NRG3: variants seen among roughly 807,000 people sequenced by gnomAD.
NRG3 encodes the protein neuregulin 3, also known as pro-neuregulin-3, membrane-bound isoform.
Under a neutral mutation model 66.9 loss-of-function variants are expected in NRG3, and 31 were observed. The ratio of observed to expected loss-of-function variants is 0.46; its 90% CI spans 0.35 to 0.63. The LOEUF (loss-of-function observed/expected upper bound fraction) is 0.63. Ranked by LOEUF, NRG3 falls within the 20% of genes least tolerant of loss-of-function variation. NRG3 has a pLI of 0.00. For synonymous variants in NRG3, 393 were observed against 359.4 expected, an observed-to-expected ratio of 1.09 and a Z score of -1.06; for missense variants, 910 against 878.9, an observed-to-expected ratio of 1.04 and a Z score of -0.45.
At chr10:82,069,074 G>A (rs2064655273) in intron 1 of NRG3, among the ~76,000 whole-genome samples, 1 of 152,160 alleles carries the variant, frequency 6.6e-6, no homozygotes. Context: ...TATAATCCTG[G>A]AATGATATTT....
intron 1 of NRG3, chr10:81,889,046 A>G (rs1842824503): frequency 6.6e-6 from 1 of 152,194 alleles, no homozygotes. Context: ...GTTTATCCAT[A>G]GTCGCATCAA....
Position 82,839,922 on chromosome 10 carries a change from C to T in NRG3, c.1028-25489C>T, listed in dbSNP as rs114142561. 2.3e-3 allele frequency among the ~76,000 whole-genome samples: 348 copies of T among 152,148 alleles called. 3 individuals are homozygous for T. Among genetic ancestry groups the T allele is most frequent in the African/African-American group, 8.0e-3 (331 of 41,532 alleles). ...AAATATCCCAAGAATGTACAGATAT[C>T]TCCAATTCCAATTCAGTGTTACAGT... On this transcript the variant is annotated intron_variant, in intron 3 of 8. Coordinates refer to ENST00000372141, the MANE Select transcript of NRG3 (RefSeq NM_001010848.4).
chr10:81,977,964 G>T (rs910197171), intron 1 of NRG3, among the ~76,000 whole-genome samples: 4 of 152,024 alleles, frequency 2.6e-5, no homozygotes, highest in African/African-American at 7.2e-5. Context: ...TTTGATACAT[G>T]TATTGTATCA....
intron 3 of NRG3, among the ~76,000 whole-genome samples, chr10:82,746,930 T>C (rs1334688146): frequency 6.6e-6 from 1 of 151,848 alleles, no homozygotes; most frequent in African/African-American, 2.4e-5. Flanking sequence ...AAAAATAAAA[T>C]AAAATAGCCA....
chr10:82,117,120 A>G (rs1043684896), intron 1 of NRG3, among the ~76,000 whole-genome samples: 6 of 152,038 alleles, frequency 3.9e-5, no homozygotes. Flanking sequence ...TTTATCTGTC[A>G]TAGGTCATAT....
At chr10:82,252,304 A>G (rs988656162) in intron 1 of NRG3, among the ~76,000 whole-genome samples, 2 of 152,206 alleles carry the variant, frequency 1.3e-5, no homozygotes, top group African/African-American at 4.8e-5. Context: ...AGTGCTGATG[A>G]TATAAATTTC....
chr10:82,039,722 G>C (rs755730904), intron 1 of NRG3, among the ~76,000 whole-genome samples: 6 of 152,042 alleles, frequency 3.9e-5, no homozygotes, highest in Non-Finnish European at 7.4e-5. Flanking sequence ...TATGGAGGGA[G>C]GTGTTCTTGA....
At chr10:82,427,010 C>A (rs1009659493) in intron 2 of NRG3, among the ~76,000 whole-genome samples, 3 of 152,042 alleles carry the variant, frequency 2.0e-5, no homozygotes, top group Non-Finnish European at 4.4e-5. Context: ...AGAAATATGA[C>A]TGATTTTTGT....
At chr10:82,052,309 T>C (rs11192314) in intron 1 of NRG3, among the ~76,000 whole-genome samples, 27,323 of 152,124 alleles carry the variant, frequency 0.18, 2,883 homozygotes, top group Middle Eastern at 0.29. Context: ...TGACTGCATA[T>C]TGAATTAGGC....
intron 2 of NRG3, among the ~76,000 whole-genome samples, chr10:82,624,935 T>TAA (rs917883570): frequency 2.7e-5 from 4 of 147,610 alleles, no homozygotes; most frequent in African/African-American, 9.8e-5. Flanking sequence ...TATATATATA[T>TAA]AAAATGTGCT....
At chr10:82,470,314 C>T (rs1215291586) in intron 2 of NRG3, among the ~76,000 whole-genome samples, 2 of 152,172 alleles carry the variant, frequency 1.3e-5, no homozygotes, top group African/African-American at 4.8e-5. Flanking sequence ...AAAGATCTGT[C>T]CTCACTACTC....
At chr10:82,102,313 C>G (rs1349610942) in intron 1 of NRG3, among the ~76,000 whole-genome samples, 2 of 149,728 alleles carry the variant, frequency 1.3e-5, no homozygotes, top group East Asian at 4.0e-4. Flanking sequence ...TATAGTTTAA[C>G]TTTCTCCTTT....
intron 1 of NRG3, among the ~76,000 whole-genome samples, chr10:82,200,568 A>G (rs1427372376): frequency 6.6e-6 from 1 of 152,172 alleles, no homozygotes; most frequent in African/African-American, 2.4e-5. Context: ...GATGTCTAAT[A>G]TTATTTGGCA....
At chr10:81,876,267 C>A (rs1337768562) in intron 1 of NRG3, 104 bp downstream of exon 1, 22 of 1,437,220 alleles carry the variant, frequency 1.5e-5, no homozygotes, top group Non-Finnish European at 2.0e-5. Flanking sequence ...GCCCCCTCCC[C>A]CATCCCAGGT....
At chr10:82,161,963 G>A (rs1479115400) in intron 1 of NRG3, among the ~76,000 whole-genome samples, 1 of 152,060 alleles carries the variant, frequency 6.6e-6, no homozygotes, top group Non-Finnish European at 1.5e-5. Context: ...TAACAAAGTG[G>A]CCCATCACTC....
intron 1 of NRG3, among the ~76,000 whole-genome samples, chr10:81,893,436 T>C (rs1589373576): frequency 1.3e-5 from 2 of 149,628 alleles, no homozygotes; most frequent in East Asian, 4.0e-4. Context: ...ATCCGCAGTA[T>C]GGAATGGACT....
intron 2 of NRG3, among the ~76,000 whole-genome samples, chr10:82,451,356 C>A (rs756083644): frequency 1.3e-5 from 2 of 152,008 alleles, no homozygotes; most frequent in Non-Finnish European, 2.9e-5. Flanking sequence ...AGATTTGATC[C>A]TAGAAGGCCT....
chr10:82,943,676 A>G (rs1209810335), intron 4 of NRG3, among the ~76,000 whole-genome samples: 1 of 152,146 alleles, frequency 6.6e-6, no homozygotes, highest in Non-Finnish European at 1.5e-5. Flanking sequence ...GATTTTCCCC[A>G]TCTAGTCCAC....
chr10:82,842,547 A>G (rs2063109803), intron 3 of NRG3, among the ~76,000 whole-genome samples: 3 of 152,132 alleles, frequency 2.0e-5, no homozygotes, highest in Admixed American at 6.6e-5. Context: ...ATGTTTTGAT[A>G]GATACATCAT....
Sources: allele counts gnomAD v4.1 joint callset (sites outside exome capture counted in the v4.1 genomes callset), GRCh38; gene constraint gnomAD v4.1.1; transcripts MANE v1.5; gene names NCBI Gene and HGNC (gene_info 2026-07-23, HGNC 2026-07-21).